ABLIM1: variants seen among roughly 807,000 people sequenced by gnomAD.
The protein encoded by ABLIM1 is actin binding LIM protein 1.
ABLIM1 carries 40 observed loss-of-function variants against 107.0 expected under a neutral mutation model. The ratio of observed to expected loss-of-function variants is 0.37; its 90% confidence interval spans 0.29 to 0.49. The LOEUF (loss-of-function observed/expected upper bound fraction) is 0.49, where lower values mean the gene tolerates loss of function less well. Ranked by LOEUF, ABLIM1 falls within the 20% of genes least tolerant of loss-of-function variation. ABLIM1 has a pLI of 0.97. For missense variants in ABLIM1, 857 were observed against 1,008.5 expected (o/e 0.85, Z 2.04); for synonymous variants, 357 against 357.3 (o/e 1.00, Z 0.01).
At chr10:114,730,987 T>A (rs1001067702) in intron 1 of ABLIM1, among the ~76,000 whole-genome samples, 9 of 152,194 alleles carry the variant, frequency 5.9e-5, no homozygotes, top group African/African-American at 2.2e-4. Context: ...ATGCATGAGC[T>A]CTACTTAATT....
intron 1 of ABLIM1, among the ~76,000 whole-genome samples, chr10:114,683,468 T>C (rs1366345614): frequency 6.6e-6 from 1 of 152,110 alleles, no homozygotes; most frequent in Non-Finnish European, 1.5e-5. Context: ...TCGTAACAAG[T>C]GTATACATGT....
At chr10:114,681,401 G>A (rs1340079070) in intron 1 of ABLIM1, among the ~76,000 whole-genome samples, 1 of 152,024 alleles carries the variant, frequency 6.6e-6, no homozygotes, top group Non-Finnish European at 1.5e-5. Flanking sequence ...CACCACGTTG[G>A]CCAGTCTGGT....
At chr10:114,752,252 G>A (rs1395855542) in intron 1 of ABLIM1, among the ~76,000 whole-genome samples, 2 of 152,158 alleles carry the variant, frequency 1.3e-5, no homozygotes, top group African/African-American at 4.8e-5. Flanking sequence ...TGTATGGTGT[G>A]TCCATGACCA....
intron 1 of ABLIM1, chr10:114,690,235 T>C: frequency 6.8e-7 from 1 of 1,476,294 alleles, no homozygotes; most frequent in East Asian, 2.3e-5. Flanking sequence ...ACAATATTTA[T>C]GCCTTCTTTC....
chr10:114,615,538 T>C (rs745509766), intron 1 of ABLIM1: 2 of 464,948 alleles, frequency 4.3e-6, no homozygotes, highest in Non-Finnish European at 8.7e-6. Flanking sequence ...TTCCATCTTC[T>C]CCATTACAAG....
chr10:114,557,693 T>TG (rs775991398), intron 4 of ABLIM1, among the ~76,000 whole-genome samples: 2 of 125,646 alleles, frequency 1.6e-5, no homozygotes, highest in African/African-American at 5.4e-5. Flanking sequence ...TTTTTTTTTT[T>TG]GGATAAATAT....
chr10:114,771,363 C>A (rs145879260), upstream of ABLIM1, among the ~76,000 whole-genome samples: 41 of 152,322 alleles, frequency 2.7e-4, no homozygotes, highest in East Asian at 6.6e-3. Flanking sequence ...AGCAAGTACT[C>A]CGTGCCTGCC....
intron 4 of ABLIM1, among the ~76,000 whole-genome samples, chr10:114,568,123 G>T (rs1307125392): frequency 6.8e-6 from 1 of 147,954 alleles, no homozygotes; most frequent in Non-Finnish European, 1.5e-5. Flanking sequence ...CCGGGAAGCG[G>T]AGCTTGCAGT....
At chr10:114,467,390 T>G (rs970502197) in intron 11 of ABLIM1, among the ~76,000 whole-genome samples, 4 of 152,180 alleles carry the variant, frequency 2.6e-5, no homozygotes, top group Admixed American at 1.3e-4. Flanking sequence ...GTAAAAAGTT[T>G]GAAAGAATGC....
At position 114,707,880 on chromosome 10, in the gene ABLIM1, G is replaced by A. The variant is rs571732951; in HGVS notation, c.-213+60181C>T. 3.3e-5 allele frequency among the ~76,000 whole-genome samples: 5 copies of A among 152,088 alleles called. No individual in the cohort carries two copies. The highest frequency in any genetic ancestry group is 4.4e-5 in the Non-Finnish European group (3 of 67,994). ...TGCACCATTGCACTCTAGCCTGGGC[G>A]ACAAGAGCAAAACTCCGTCTCAAAA... On this transcript the variant is annotated intron_variant, in intron 1 of 15. Coordinates refer to the ABLIM1 transcript ENST00000651092. This position sits in a 1 kb window ranked among gnomAD's most constrained non-coding sequence, Gnocchi z 4.1.
chr10:114,686,275 G>A (rs1456757398), upstream of ABLIM1, among the ~76,000 whole-genome samples: 4 of 152,026 alleles, frequency 2.6e-5, no homozygotes, highest in African/African-American at 4.8e-5. Context: ...TTGGGAGGCC[G>A]AGATGGGAGG....
chr10:114,752,289 T>A (rs571223123), intron 1 of ABLIM1, among the ~76,000 whole-genome samples: 5 of 152,170 alleles, frequency 3.3e-5, no homozygotes, highest in Non-Finnish European at 7.3e-5. Flanking sequence ...GAGCTCAAGC[T>A]AGAATTCAAG....
upstream of ABLIM1, among the ~76,000 whole-genome samples, chr10:114,659,614 CT>C (rs1207696060): frequency 6.6e-6 from 1 of 152,098 alleles, no homozygotes; most frequent in Non-Finnish European, 1.5e-5. Flanking sequence ...TTTTTTTATA[CT>C]TTAAGTTCTA....
chr10:114,438,051 T>C (rs2059675749), intron 21 of ABLIM1, 127 bp from the exon 22 acceptor site: 1 of 845,380 alleles, frequency 1.2e-6, no homozygotes, highest in Non-Finnish European at 1.8e-6. Flanking sequence ...ATTCGAGTGA[T>C]GGGTCTTCCT....
intron 1 of ABLIM1, among the ~76,000 whole-genome samples, chr10:114,648,287 C>T (rs996570942): frequency 8.5e-5 from 13 of 152,120 alleles, no homozygotes; most frequent in Admixed American, 2.6e-4. Context: ...AAATGACCAT[C>T]GGCTGACGAA....
intron 1 of ABLIM1, among the ~76,000 whole-genome samples, chr10:114,735,015 C>A (rs2082150350): frequency 6.6e-6 from 1 of 152,186 alleles, no homozygotes; most frequent in South Asian, 2.1e-4. Context: ...TAAAATGCAG[C>A]AAGTTAGCAA....
At chr10:114,531,748 C>G (rs1451911293) in intron 6 of ABLIM1, among the ~76,000 whole-genome samples, 2 of 152,126 alleles carry the variant, frequency 1.3e-5, no homozygotes, top group Non-Finnish European at 2.9e-5. Flanking sequence ...GATCTCCTGA[C>G]CTCGTGATCT....
In ABLIM1 at chr10:114,436,017, C is replaced by G. The variant is rs1057139; in HGVS notation, c.*243G>C. 0.6 allele frequency: 277,348 copies of G among 465,516 alleles called. 84,339 individuals carry two copies. The highest frequency in any genetic ancestry group is 0.8 in the African/African-American group (41,295 of 51,650). 28.8% of individuals were successfully genotyped at this position (465,516 alleles called of 1,614,324 possible). On this transcript the variant is annotated 3_prime_UTR_variant, in exon 23 of 23. Transcript: ENST00000533213. ...TGTATACATAAGGTAATGTGAAAAG[C>G]TCACATGTGGACACTACTCTGTGTT... is the stretch of plus-strand genomic sequence containing the variant.
chr10:114,631,825 T>A, intron 1 of ABLIM1: 1 of 1,283,590 alleles, frequency 7.8e-7, no homozygotes, highest in Non-Finnish European at 1.0e-6. Flanking sequence ...GATTGATCAT[T>A]CCCCGTTAGG....
Sources: gnomAD v4.1 joint callset for allele counts (sites outside exome capture counted in the v4.1 genomes callset) on GRCh38, gnomAD v4.1.1 for gene constraint, Gnocchi (gnomAD v3.1) non-coding constraint, MANE v1.5 for transcripts, NCBI Gene and HGNC (gene_info 2026-07-23, HGNC 2026-07-21) for gene names.